The following NWD1 variants were observed in gnomAD, a reference collection of about 807,000 sequenced individuals.
NWD1 encodes the protein NACHT and WD repeat domain containing 1.
NWD1 carries 129 observed loss-of-function variants against 135.1 expected under a neutral mutation model. The ratio of observed to expected loss-of-function variants is 0.96; its 90% confidence interval spans 0.83 to 1.11. The LOEUF (loss-of-function observed/expected upper bound fraction) is 1.11. NWD1 is among the 50% of genes least tolerant of loss of function. NWD1 has a pLI of 0.00. For missense variants in NWD1, 1,740 were observed against 1,851.3 expected, an observed-to-expected ratio of 0.94 and a Z score of 1.10; for synonymous variants, 773 against 786.0, an observed-to-expected ratio of 0.98 and a Z score of 0.28.
intron 17 of NWD1, among the ~76,000 whole-genome samples, chr19:16,804,278 C>A (rs1970687804): frequency 6.6e-6 from 1 of 151,852 alleles, no homozygotes; most frequent in Non-Finnish European, 1.5e-5. Flanking sequence ...GATTGGGTGG[C>A]TTAGAAAGAA....
At chr19:16,731,762 G>C (rs1485221956) in intron 3 of NWD1, among the ~76,000 whole-genome samples, 1 of 149,964 alleles carries the variant, frequency 6.7e-6, no homozygotes, top group Non-Finnish European at 1.5e-5. Flanking sequence ...CCGCCACCAC[G>C]CCCCTCTATC....
intron 10 of NWD1, among the ~76,000 whole-genome samples, chr19:16,769,769 A>G (rs2122931400): frequency 6.6e-6 from 1 of 152,218 alleles, no homozygotes; most frequent in South Asian, 2.1e-4. Context: ...TAACTTCTCT[A>G]TGTCTCCCCG....
At chr19:16,794,103 C>T (rs762821990) in intron 14 of NWD1, among the ~76,000 whole-genome samples, 16 of 152,164 alleles carry the variant, frequency 1.1e-4, no homozygotes, top group South Asian at 2.1e-4. Flanking sequence ...TGGTGGCTCA[C>T]GCCTGTAATC....
At chr19:16,744,930 T>C (rs946651953) in intron 5 of NWD1, 1 of 651,712 alleles carries the variant, frequency 1.5e-6, no homozygotes, top group East Asian at 2.8e-5. Context: ...AGGATCTTCC[T>C]CTCCTCGCTG....
chr19:16,765,318 A>C, intron 10 of NWD1, 126 bp downstream of exon 10: 1 of 977,954 alleles, frequency 1.0e-6, no homozygotes, highest in South Asian at 1.9e-5. Flanking sequence ...AAACATGTGA[A>C]TTTTCCCCCA....
rs771510921 is a variant in NWD1, at chr19:16,800,128, C to G, written c.3702C>G (p.Asp1234Glu). 6.2e-7 allele frequency: 1 copy of G among 1,613,110 alleles called. No homozygotes were observed. The highest frequency in any genetic ancestry group is 8.5e-7 in the Non-Finnish European group (1 of 1,179,692). ...ACGTCTACTTCCCCAAAATTGGGGA[C>G]AAAAACAAAGTCACTATTTGGGACT... is the stretch of plus-strand genomic sequence containing the variant. ...GSYVYFPKIG[D>E]KNKVTIWDLA... Residue 1234 changes from aspartate to glutamate, a missense_variant, in exon 17 of 19, where the codon GAC becomes GAG. Transcript: ENST00000524140.
At chr19:16,767,631 C>A (rs1033580295) in intron 10 of NWD1, among the ~76,000 whole-genome samples, 2 of 151,910 alleles carry the variant, frequency 1.3e-5, no homozygotes, top group African/African-American at 2.4e-5. Context: ...ACCCAAAAAA[C>A]CATCAGATCT....
In NWD1 at chr19:16,791,745, C is replaced by T. The variant is rs182271021; in HGVS notation, c.3213+123C>T. 6.3e-5 allele frequency: 65 copies of T among 1,028,106 alleles called. No individual in the cohort carries two copies. In the African/African-American group the frequency reaches 8.0e-4, roughly 13 times the overall value. The allele number at this position is 1,028,106 out of a possible 1,614,324, so 63.7% of individuals were successfully genotyped here. ...GTTTTGTTTTGGAGATGAAGTTTCACTTTTGTTGCCCAGGCTGGAGTGCAA... is the reference window on the plus strand; with the variant it reads ...GTTTTGTTTTGGAGATGAAGTTTCATTTTTGTTGCCCAGGCTGGAGTGCAA... On this transcript the variant is annotated intron_variant, in intron 14 of 18. Coordinates refer to ENST00000524140, the MANE Select transcript of NWD1 (RefSeq NM_001007525.5).
chr19:16,723,390 G>C (rs1331440543), intron 1 of NWD1, among the ~76,000 whole-genome samples: 1 of 152,092 alleles, frequency 6.6e-6, no homozygotes, highest in Non-Finnish European at 1.5e-5. Context: ...GTAGAAATGG[G>C]GTTTCACCAT....
Position 16,744,437 on chromosome 19 carries a change from A to C in NWD1, c.215A>C (p.Gln72Pro), listed in dbSNP as rs1396434560. ...GPAFVALIGD[Q>P]YGPCLIPSRI... The stretch of plus-strand genomic sequence containing the variant: ...CTCTGCCAGGCCCTCATCGGTGATC[A>C]GTACGGCCCCTGTCTGATTCCCTCG... The change falls in exon 5 of 19, where the codon CAG becomes CCG. Residue 72 changes from glutamine (Q) to proline (P), a missense_variant. Transcript: ENST00000524140. 6.5e-7 allele frequency: 1 copy of C among 1,535,692 alleles called. No individual in the cohort carries two copies. The highest frequency in any genetic ancestry group is 8.7e-7 in the Non-Finnish European group (1 of 1,146,606).
At chr19:16,783,992 G>C (rs925210557) in intron 12 of NWD1, among the ~76,000 whole-genome samples, 1 of 152,044 alleles carries the variant, frequency 6.6e-6, no homozygotes, top group Non-Finnish European at 1.5e-5. Context: ...ATCACCTGAG[G>C]TCAGGAGTTC....
intron 12 of NWD1, 29 bp downstream of exon 12, chr19:16,779,494 C>T (rs1969781401): frequency 1.2e-6 from 2 of 1,607,528 alleles, no homozygotes; most frequent in South Asian, 1.1e-5. Context: ...GCTTTGTGGT[C>T]AGCTTCCATA....
chr19:16,748,237 G>A (rs916010563), intron 5 of NWD1, among the ~76,000 whole-genome samples: 2 of 152,124 alleles, frequency 1.3e-5, no homozygotes, highest in African/African-American at 4.8e-5. Context: ...GCCCACCTTG[G>A]CCTCCCAAAG....
chr19:16,771,688 C>T (rs1015870867), intron 10 of NWD1, among the ~76,000 whole-genome samples: 1 of 152,110 alleles, frequency 6.6e-6, no homozygotes, highest in Non-Finnish European at 1.5e-5. Flanking sequence ...GTGGCTCCCC[C>T]AGCACAAGGA....
At chr19:16,797,495 T>A (rs1043054941) in intron 15 of NWD1, among the ~76,000 whole-genome samples, 11 of 151,964 alleles carry the variant, frequency 7.2e-5, no homozygotes, top group South Asian at 2.1e-4. Context: ...CACACCTGGC[T>A]AATTTTTGTA....
At position 16,791,439 on chromosome 19, in the gene NWD1, C is replaced by T; in HGVS notation, c.3030C>T (p.Ala1010=). Residue 1010 remains alanine, a synonymous_variant, in exon 14 of 19, where the codon GCC becomes GCT. Coordinates refer to ENST00000524140, the MANE Select transcript of NWD1 (RefSeq NM_001007525.5). ...CTTGGATGTGCATGGCCGTGCTGGC[C>T]TCCCAGGCCACACTGCTGACAGTGT... ...SDPWMCMAVL[A]SQATLLTVSR... The T allele has an allele frequency of 6.2e-7, 1 of 1,614,156 alleles. No individual in the cohort carries two copies. The highest frequency in any genetic ancestry group is 8.5e-7 in the Non-Finnish European group (1 of 1,180,026).
rs772422351 is a variant in NWD1, at chr19:16,773,282, C to CG, written c.2570dup (p.Gly858ArgfsTer101). ...CCCCTCGGAGGATTCCTCCAGCCCC[C>CG]GGGAGGACCCCTCCGGGCAACTCTC... On this transcript the variant is annotated frameshift_variant, in exon 11 of 19. Coordinates refer to ENST00000524140, the MANE Select transcript of NWD1 (RefSeq NM_001007525.5). LOFTEE classifies it high-confidence loss of function. 2.5e-6 allele frequency: 4 copies of CG among 1,613,212 alleles called. No individual in the cohort carries two copies. The Admixed American group carries it at 5.0e-5, about 20-fold the overall frequency.
At chr19:16,801,873 T>A (rs897836588) in intron 17 of NWD1, among the ~76,000 whole-genome samples, 4 of 152,074 alleles carry the variant, frequency 2.6e-5, no homozygotes, top group African/African-American at 9.7e-5. Context: ...ACTCTGTTAG[T>A]TCTCGCGAGG....
intron 17 of NWD1, among the ~76,000 whole-genome samples, chr19:16,804,484 A>G (rs1007216976): frequency 6.6e-6 from 1 of 151,372 alleles, no homozygotes; most frequent in African/African-American, 2.4e-5. Context: ...AGTCCTAGTT[A>G]CTCCAGAGTC....
Sources: allele counts gnomAD v4.1 joint callset (sites outside exome capture counted in the v4.1 genomes callset), GRCh38; gene constraint gnomAD v4.1.1; transcripts MANE v1.5; gene names NCBI Gene and HGNC (gene_info 2026-07-23, HGNC 2026-07-21).